POC1B: variants seen among roughly 807,000 people sequenced by gnomAD.
The protein encoded by POC1B is POC1 centriolar protein B, also known as POC1 centriolar protein homolog B.
Under a neutral mutation model 60.6 loss-of-function variants are expected in POC1B, and 44 were observed. That is an observed-to-expected ratio of 0.73 (90% confidence interval 0.57 to 0.93). POC1B has a LOEUF of 0.93. Ranked by LOEUF, POC1B falls within the 40% of genes least tolerant of loss-of-function variation. POC1B has a pLI of 0.00. For missense variants in POC1B, 555 were observed against 572.3 expected (o/e 0.97, Z 0.31); for synonymous variants, 180 against 198.9 (o/e 0.90, Z 0.80).
intron 10 of POC1B, among the ~76,000 whole-genome samples, chr12:89,434,802 G>A (rs1173233221): frequency 6.6e-6 from 1 of 152,190 alleles, no homozygotes; most frequent in Non-Finnish European, 1.5e-5. Flanking sequence ...TACACAACAT[G>A]CTAAGTGAAT....
intron 10 of POC1B, among the ~76,000 whole-genome samples, chr12:89,437,729 G>A (rs1279952455): frequency 6.6e-6 from 1 of 151,834 alleles, no homozygotes; most frequent in Non-Finnish European, 1.5e-5. Context: ...TATATAACAG[G>A]TACTCAATAA....
At chr12:89,438,273 C>G (rs1033977540) in intron 10 of POC1B, among the ~76,000 whole-genome samples, 1 of 151,928 alleles carries the variant, frequency 6.6e-6, no homozygotes, top group Non-Finnish European at 1.5e-5. Flanking sequence ...CTGGCTAACA[C>G]GGTGAAACCC....
At chr12:89,480,338 G>C (rs1255833728) in intron 4 of POC1B, among the ~76,000 whole-genome samples, 2 of 151,630 alleles carry the variant, frequency 1.3e-5, no homozygotes, top group Admixed American at 6.6e-5. Flanking sequence ...GGTTTTGCCA[G>C]GCTGCCCAGG....
intron 11 of POC1B, 90 bp downstream of exon 11, chr12:89,425,071 T>C: frequency 2.3e-6 from 3 of 1,332,148 alleles, no homozygotes; most frequent in South Asian, 1.3e-5. Flanking sequence ...AAATCTCCCC[T>C]GCTCTGCTAG....
intron 10 of POC1B, among the ~76,000 whole-genome samples, chr12:89,433,576 A>G (rs539688890): frequency 6.6e-6 from 1 of 152,320 alleles, no homozygotes; most frequent in African/African-American, 2.4e-5. Context: ...ACAGAATGTA[A>G]GTTGGGTAAA....
chr12:89,456,840 T>G (rs1882281590), intron 10 of POC1B, among the ~76,000 whole-genome samples: 2 of 152,122 alleles, frequency 1.3e-5, no homozygotes, highest in Non-Finnish European at 2.9e-5. Context: ...TCAGTACACT[T>G]CGATCTACAA....
intron 2 of POC1B, chr12:89,524,080 CTG>C (rs1228425296): frequency 1.2e-5 from 20 of 1,613,790 alleles, no homozygotes; most frequent in Non-Finnish European, 1.6e-5. Flanking sequence ...TTCTAAAACA[CTG>C]TGAATGGTAC....
intron 2 of POC1B, chr12:89,519,880 C>T (rs543772067): frequency 5.3e-4 from 81 of 152,224 alleles, no homozygotes; most frequent in African/African-American, 1.9e-3. Flanking sequence ...ACATAGTGAA[C>T]ATTTAAAGTT....
At chr12:89,486,108 T>C (rs1868620944) in intron 4 of POC1B, among the ~76,000 whole-genome samples, 3 of 152,212 alleles carry the variant, frequency 2.0e-5, no homozygotes, top group Admixed American at 2.0e-4. Context: ...CACTAATATA[T>C]TTGCTGTCTG....
chr12:89,485,246 C>A (rs2135731763), intron 4 of POC1B: 1 of 152,252 alleles, frequency 6.6e-6, no homozygotes, highest in East Asian at 1.9e-4. Flanking sequence ...AGGTTAAGTT[C>A]TCATGGGAAG....
At chr12:89,407,004 CG>C in the POC1B span, among the ~76,000 whole-genome samples, 2 of 151,278 alleles carry the variant, frequency 1.3e-5, no homozygotes, top group Non-Finnish European at 2.9e-5. Context: ...AAAAATTAGC[CG>C]GGCGTGATGG....
At chr12:89,418,068 G>T (rs1209735751), downstream of POC1B, among the ~76,000 whole-genome samples, 1 of 152,210 alleles carries the variant, frequency 6.6e-6, no homozygotes, top group Non-Finnish European at 1.5e-5. Context: ...GTATGTGTCA[G>T]ATGGTAATAA....
intron 6 of POC1B, 101 bp from the exon 7 acceptor site, chr12:89,470,595 T>C (rs758217361): frequency 7.1e-6 from 7 of 979,498 alleles, no homozygotes; most frequent in Admixed American, 4.8e-5. Context: ...AAGAGCACTG[T>C]TTCCACAACA....
At chr12:89,494,993 T>C (rs1292212460) in intron 3 of POC1B, among the ~76,000 whole-genome samples, 1 of 152,208 alleles carries the variant, frequency 6.6e-6, no homozygotes, top group Non-Finnish European at 1.5e-5. Context: ...ATTGTTTCTG[T>C]AGTAAGTACT....
chr12:89,489,322 T>A (rs1307220733), intron 4 of POC1B, among the ~76,000 whole-genome samples: 1 of 152,212 alleles, frequency 6.6e-6, no homozygotes, highest in Non-Finnish European at 1.5e-5. Flanking sequence ...AGAAGTTAGG[T>A]AACTTCCCCA....
At chr12:89,470,238 G>T in intron 7 of POC1B, 123 bp downstream of exon 7, 2 of 508,878 alleles carry the variant, frequency 3.9e-6, no homozygotes, top group Admixed American at 5.3e-5. Context: ...AAAATTTTAT[G>T]ATAGCAGCAA....
chr12:89,442,574 A>G (rs1340564619), intron 10 of POC1B, among the ~76,000 whole-genome samples: 1 of 152,216 alleles, frequency 6.6e-6, no homozygotes, highest in Non-Finnish European at 1.5e-5. Flanking sequence ...TGTCACCACC[A>G]GGCCTGCCTT....
chr12:89,437,604 A>G (rs1439970425), intron 10 of POC1B, among the ~76,000 whole-genome samples: 1 of 99,576 alleles, frequency 1.0e-5, no homozygotes, highest in Non-Finnish European at 2.1e-5. Flanking sequence ...TGACCCCCCC[A>G]CCCCCACCAT....
intron 2 of POC1B, 54 bp from the exon 3 acceptor site, chr12:89,497,396 G>A: frequency 6.5e-7 from 1 of 1,528,068 alleles, no homozygotes; most frequent in Non-Finnish European, 9.0e-7. Context: ...AAACATAGGT[G>A]TGTCTCATTA....
Sources: gnomAD v4.1 joint callset for allele counts (sites outside exome capture counted in the v4.1 genomes callset) on GRCh38, gnomAD v4.1.1 for gene constraint, MANE v1.5 for transcripts, NCBI Gene and HGNC (gene_info 2026-07-23, HGNC 2026-07-21) for gene names.